The following COPG1 variants were observed in gnomAD, a reference collection of about 807,000 sequenced individuals.
COPG1 encodes coatomer subunit gamma-1.
Under a neutral mutation model 102.8 loss-of-function variants are expected in COPG1, and 29 were observed. That is an observed-to-expected ratio of 0.28 (90% CI 0.21 to 0.38). The LOEUF (loss-of-function observed/expected upper bound fraction) is 0.38, where lower values mean the gene tolerates loss of function less well. COPG1 is among the 10% of genes least tolerant of loss of function. COPG1 has a pLI of 1.00. For missense variants in COPG1, 875 were observed against 1,132.7 expected (o/e 0.77, Z 3.27); for synonymous variants, 406 against 421.6 (o/e 0.96, Z 0.45).
In COPG1 at chr3:129,252,289, A is replaced by G. The variant is rs1939715405; in HGVS notation, c.99A>G (p.Val33=). The G allele has an allele frequency of 6.2e-7, 1 of 1,608,402 alleles. No homozygotes were observed. The highest frequency in any genetic ancestry group is 1.3e-5 in the African/African-American group (1 of 74,842). The change falls in exon 3 of 24, where the codon GTA becomes GTG. Residue 33 remains valine, a synonymous_variant. Transcript: ENST00000314797. ...EKSAVLQEAR[V]FNETPINPRK... is the part of the protein sequence containing the mutation. ...TGGTCATTTCTTCTTAGGCCCGTGT[A>G]TTTAATGAAACTCCCATCAACCCTC...
Position 129,265,692 on chromosome 3 carries a change from A to C in COPG1, c.1368A>C (p.Leu456=), listed in dbSNP as rs1024737188. ...TCACAGTGCTGGCCACCCGTATTCTACATCTCCTGGGCCAGGAGGGGCCCA... is the reference window on the plus strand; with the variant it reads ...TCACAGTGCTGGCCACCCGTATTCTCCATCTCCTGGGCCAGGAGGGGCCCA... ...CEFTVLATRI[L]HLLGQEGPKT... Residue 456 remains leucine (L), a synonymous_variant, in exon 14 of 24, where the codon CTA becomes CTC. Transcript: ENST00000314797. The C allele has an allele frequency of 6.2e-7, 1 of 1,614,116 alleles. No homozygotes were observed. The highest frequency in any genetic ancestry group is 1.3e-5 in the African/African-American group (1 of 74,938).
chr3:129,261,504 A>G (rs1028485742), intron 12 of COPG1, among the ~76,000 whole-genome samples: 4 of 152,202 alleles, frequency 2.6e-5, no homozygotes, highest in African/African-American at 9.6e-5. Flanking sequence ...GACATTGGAA[A>G]GGTGTTCTTT....
rs62266885 is a variant in COPG1, at chr3:129,275,790, C to G, written c.2494+498C>G. On this transcript the variant is annotated intron_variant, in intron 23 of 23. Transcript: ENST00000314797. The surrounding 1 kb of genome is among the most constrained non-coding windows in gnomAD (Gnocchi z 5.0). ...TAAGTACATTCACACTATTGTAAAA[C>G]TATGACCACCATCCATCTCCAGAAC... Among the ~76,000 whole-genome samples the G allele has an allele frequency of 0.024, 3,730 of 152,304 alleles. 77 individuals are homozygous for G. Among genetic ancestry groups the G allele is most frequent in the Non-Finnish European group, 0.037 (2,500 of 68,008 alleles).
At chr3:129,273,366 A>G (rs1036914069) in intron 21 of COPG1, among the ~76,000 whole-genome samples, 1 of 152,252 alleles carries the variant, frequency 6.6e-6, no homozygotes, top group African/African-American at 2.4e-5. Flanking sequence ...GTTCATGTGT[A>G]AAAAGAAAAC....
intron 1 of COPG1, 41 bp downstream of exon 1, chr3:129,249,787 C>A (rs1042060018): frequency 2.7e-5 from 41 of 1,528,910 alleles, no homozygotes; most frequent in Non-Finnish European, 3.5e-5. Context: ...GCCGGACCCC[C>A]ACCCGCCGAG....
intron 1 of COPG1, among the ~76,000 whole-genome samples, chr3:129,250,462 G>A (rs916481476): frequency 2.6e-5 from 4 of 152,192 alleles, no homozygotes; most frequent in African/African-American, 9.7e-5. Context: ...CTGTACCAGG[G>A]CTGCTGGGAG....
At chr3:129,273,488 C>G (rs1445338485) in intron 21 of COPG1, among the ~76,000 whole-genome samples, 1 of 152,190 alleles carries the variant, frequency 6.6e-6, no homozygotes, top group Non-Finnish European at 1.5e-5. Context: ...ATCATTCTTA[C>G]AGTGTAGACC....
Position 129,249,649 on chromosome 3 carries a change from G to A in COPG1, c.-61G>A, listed in dbSNP as rs1939648646. Reference sequence around the variant, plus strand: ...GTCCCTGTAGAACCACTGTGGCACCGCTACTCCGTGCCGCGCCCGTCGAGC... The same window carrying A: ...GTCCCTGTAGAACCACTGTGGCACCACTACTCCGTGCCGCGCCCGTCGAGC... On this transcript the variant is annotated 5_prime_UTR_variant, in exon 1 of 24. Coordinates refer to ENST00000314797, the MANE Select transcript of COPG1 (RefSeq NM_016128.4). The A allele has an allele frequency of 1.3e-6, 2 of 1,543,796 alleles. No homozygotes were observed. Among genetic ancestry groups the A allele is most frequent in the East Asian group, 2.4e-5 (1 of 40,860 alleles).
Position 129,257,541 on chromosome 3 carries a change from G to A in COPG1, c.651G>A (p.Lys217=). 6.2e-7 allele frequency: 1 copy of A among 1,614,218 alleles called. No individual in the cohort carries two copies. The part of the protein sequence containing the change: ...DRLAVNKMIS[K]VTRHGLKSPF... ...TAGCCGTCAATAAGATGATCAGCAA[G>A]GTCACACGGCATGGCCTTAAGTCTC... The change falls in exon 9 of 24, where the codon AAG becomes AAA. Residue 217 remains lysine (K), a synonymous_variant. Coordinates refer to ENST00000314797, the MANE Select transcript of COPG1 (RefSeq NM_016128.4).
At chr3:129,258,919 A>G (rs1420995592) in intron 10 of COPG1, among the ~76,000 whole-genome samples, 1 of 152,138 alleles carries the variant, frequency 6.6e-6, no homozygotes, top group African/African-American at 2.4e-5. Flanking sequence ...ATATGTTGAG[A>G]GGCTAGAAAA....
rs551201632 is a variant in COPG1, at chr3:129,266,894, G to T, written c.1469-130G>T. The T allele has an allele frequency of 5.7e-4, 415 of 732,008 alleles. 1 individual carries two copies. The highest frequency in any genetic ancestry group is 8.5e-4 in the Non-Finnish European group (351 of 415,096). 45.3% of individuals were successfully genotyped at this position (732,008 alleles called of 1,614,324 possible). A position where few individuals can be genotyped will look rare whatever the true frequency, so the allele number is the denominator to read the frequency against. Reference sequence around the variant, plus strand: ...CACTCACTCTGTTGGTAGTGACTTTGGGCCTCCTGGCTTGAGACTTCTTGC... The same window carrying T: ...CACTCACTCTGTTGGTAGTGACTTTTGGCCTCCTGGCTTGAGACTTCTTGC... On this transcript the variant is annotated intron_variant, in intron 14 of 23. Transcript: ENST00000314797.
chr3:129,263,106 T>C (rs2107676207), intron 12 of COPG1, among the ~76,000 whole-genome samples: 1 of 149,476 alleles, frequency 6.7e-6, no homozygotes, highest in South Asian at 2.1e-4. Context: ...AAGGAGAGGA[T>C]GGTGCCTGAA....
intron 20 of COPG1, 54 bp from the exon 21 acceptor site, chr3:129,272,753 C>T (rs1447753731): frequency 2.6e-6 from 3 of 1,143,518 alleles, no homozygotes; most frequent in Non-Finnish European, 3.9e-6. Flanking sequence ...GCAGGAGGAG[C>T]CCATCCCCTG....
At chr3:129,251,677 C>T (rs367897010) in intron 2 of COPG1, among the ~76,000 whole-genome samples, 10 of 150,850 alleles carry the variant, frequency 6.6e-5, no homozygotes, top group Non-Finnish European at 1.2e-4. Context: ...TGAGCCACCG[C>T]GCCCGGCCAC....
In COPG1 at chr3:129,275,088, A is replaced by G. The variant is rs2107680146; in HGVS notation, c.2396-106A>G. Reference sequence around the variant, plus strand: ...GGATCCAGGGCCATGTCTGGAGCACATATGTCAAATGCCACTTCATTAAAA... The same window carrying G: ...GGATCCAGGGCCATGTCTGGAGCACGTATGTCAAATGCCACTTCATTAAAA... On this transcript the variant is annotated intron_variant, in intron 22 of 23. Transcript: ENST00000314797. This position sits in a 1 kb window ranked among gnomAD's most constrained non-coding sequence, Gnocchi z 5.0. 6 of 1,492,336 alleles carry G rather than the reference A, an allele frequency of 4.0e-6. No individual in the cohort carries two copies. Among genetic ancestry groups the G allele is most frequent in the East Asian group, 2.3e-5 (1 of 44,070 alleles). The allele number at this position is 1,492,336 out of a possible 1,614,324, so 92.4% of individuals were successfully genotyped here. A position where few individuals can be genotyped will look rare whatever the true frequency, so the allele number is the denominator to read the frequency against.
At chr3:129,273,956 G>A (rs1451445267) in intron 21 of COPG1, 3 of 452,524 alleles carry the variant, frequency 6.6e-6, no homozygotes, top group Non-Finnish European at 1.3e-5. Flanking sequence ...GGCCATCTGA[G>A]TGCAGACCAT....
At chr3:129,270,726 T>G (rs1940166709) in intron 18 of COPG1, among the ~76,000 whole-genome samples, 1 of 152,204 alleles carries the variant, frequency 6.6e-6, no homozygotes, top group African/African-American at 2.4e-5. Context: ...TACCTTTCTC[T>G]ATGTCTGAAA....
At chr3:129,263,738 GC>G (rs1939993584) in intron 12 of COPG1, among the ~76,000 whole-genome samples, 165 bp from the exon 13 acceptor site, 1 of 146,122 alleles carries the variant, frequency 6.8e-6, no homozygotes, top group African/African-American at 2.8e-5. Context: ...CAGGGATTGT[GC>G]CCTTCAAGCT....
chr3:129,257,851 G>A lies in COPG1; in HGVS notation c.862G>A (p.Ala288Thr), dbSNP rs751406592. ...PGCSAKELAPAVSVLQLFCSS... is the reference protein window; with the variant it reads ...PGCSAKELAPTVSVLQLFCSS... ...CTGCAGTGCCAAAGAGCTGGCCCCG[G>A]CTGTGTCAGGTCACTGGGCATTCCT... Residue 288 changes from alanine (A) to threonine (T), a missense_variant, in exon 10 of 24, where the codon GCT becomes ACT. Ala to Thr is a moderately conservative substitution (Grantham distance 58, BLOSUM62 0). Coordinates refer to ENST00000314797, the MANE Select transcript of COPG1 (RefSeq NM_016128.4). The A allele has an allele frequency of 1.2e-6, 2 of 1,613,234 alleles. No homozygotes were observed. Among genetic ancestry groups the A allele is most frequent in the Non-Finnish European group, 8.5e-7 (1 of 1,179,946 alleles).
Sources: gnomAD v4.1 joint callset for allele counts (sites outside exome capture counted in the v4.1 genomes callset) on GRCh38, gnomAD v4.1.1 for gene constraint, Gnocchi (gnomAD v3.1) non-coding constraint, MANE v1.5 for transcripts, NCBI Gene and HGNC (gene_info 2026-07-23, HGNC 2026-07-21) for gene names.